DNAJB14: variants seen among roughly 807,000 people sequenced by gnomAD.
DNAJB14 encodes the protein dnaJ homolog subfamily B member 14.
DNAJB14 carries 22 observed loss-of-function variants against 48.4 expected under a neutral mutation model. The observed-to-expected ratio is 0.45, with a 90% CI of 0.32 to 0.65. The LOEUF is 0.65. Ranked by LOEUF, DNAJB14 falls within the 30% of genes least tolerant of loss-of-function variation. The probability of loss-of-function intolerance (pLI) is 0.03; values close to 1 mark genes in which losing one functional copy is unlikely to be tolerated. For missense variants in DNAJB14, 319 were observed against 458.8 expected (o/e 0.70, Z 2.78); for synonymous variants, 142 against 158.7 (o/e 0.89, Z 0.79).
In DNAJB14 at chr4:99,930,594, C is replaced by T. The variant is rs754243315; in HGVS notation, c.161G>A (p.Gly54Glu). The change falls in exon 2 of 8, where the codon GGA (glycine) becomes GAA (glutamate). Residue 54 changes from glycine (G) to glutamate (E), a missense_variant. Around this residue, in one of 3 missense-constraint regions of DNAJB14, gnomAD observed 116 missense variants for 134.6 expected, o/e 0.86. Coordinates refer to ENST00000442697, the MANE Select transcript of DNAJB14 (RefSeq NM_001031723.4). ...RALLEIIMKN[G>E]STAGNSPHCR... ...ATGAGGGCTATTTCCAGCCGTGCTTCCATTTTTCATAATTATTTCCAATAG... is the reference window on the plus strand; with the variant it reads ...ATGAGGGCTATTTCCAGCCGTGCTTTCATTTTTCATAATTATTTCCAATAG... 1 of 1,610,902 alleles carries T rather than the reference C, an allele frequency of 6.2e-7. No homozygotes were observed. Among genetic ancestry groups the T allele is most frequent in the South Asian group, 1.1e-5 (1 of 90,344 alleles).
At chr4:99,922,378 G>A (rs1355472740) in intron 3 of DNAJB14, 1 of 151,834 alleles carries the variant, frequency 6.6e-6, no homozygotes, top group Non-Finnish European at 1.5e-5. Context: ...ACAAATTTAG[G>A]CATTTAACTA....
chr4:99,945,896 T>C (rs1727049699), intron 1 of DNAJB14, among the ~76,000 whole-genome samples: 1 of 152,214 alleles, frequency 6.6e-6, no homozygotes, highest in African/African-American at 2.4e-5. Context: ...GCCGAAAGTG[T>C]GCTCTTCTCT....
At chr4:99,904,029 T>A in intron 6 of DNAJB14, 131 bp from the exon 7 acceptor site, 1 of 939,004 alleles carries the variant, frequency 1.1e-6, no homozygotes, top group Non-Finnish European at 1.6e-6. Flanking sequence ...GCATCCCTAA[T>A]CCGAAACTCT....
intron 1 of DNAJB14, among the ~76,000 whole-genome samples, chr4:99,934,398 T>C (rs1366864429): frequency 6.6e-6 from 1 of 151,844 alleles, no homozygotes; most frequent in African/African-American, 2.4e-5. Context: ...CCATAAACAC[T>C]TGCTAACAAA....
chr4:99,911,366 G>C (rs368415322), intron 3 of DNAJB14, among the ~76,000 whole-genome samples: 2 of 152,058 alleles, frequency 1.3e-5, no homozygotes, highest in African/African-American at 2.4e-5. Flanking sequence ...TCATGTACAG[G>C]ATTAGGTGTA....
intron 3 of DNAJB14, among the ~76,000 whole-genome samples, chr4:99,912,432 A>T (rs369006946): frequency 6.6e-6 from 1 of 151,546 alleles, no homozygotes; most frequent in Admixed American, 6.6e-5. Flanking sequence ...TCCTGCTAGG[A>T]TTTTGACAGG....
rs1263347323 is a variant in DNAJB14 at position 99,897,120 on chromosome 4, A to C, written c.*3908T>G. 1 of 151,638 alleles carries C rather than the reference A, an allele frequency of 6.6e-6. No homozygotes were observed. The allele number at this position is 151,638 out of a possible 1,614,324, so 9.4% of individuals were successfully genotyped here. On this transcript the variant is annotated 3_prime_UTR_variant, in exon 8 of 8. Transcript: ENST00000442697. ...CATAAAAATATCCACTGCTAATGGA[A>C]GCCCTGCTCTGTGCAAACATAGTGT... is the stretch of plus-strand genomic sequence containing the variant.
chr4:99,916,937 A>T (rs1490397946), intron 3 of DNAJB14, among the ~76,000 whole-genome samples: 2 of 152,088 alleles, frequency 1.3e-5, no homozygotes, highest in African/African-American at 2.4e-5. Context: ...GATAGAGACC[A>T]TCCTGGCCAA....
chr4:99,933,812 G>A (rs2110218533), intron 1 of DNAJB14, among the ~76,000 whole-genome samples: 1 of 152,162 alleles, frequency 6.6e-6, no homozygotes, highest in South Asian at 2.1e-4. Flanking sequence ...TATAAGGTGG[G>A]GAAAAACCAC....
At position 99,898,247 on chromosome 4, in the gene DNAJB14, T is replaced by A. The variant is rs971647999; in HGVS notation, c.*2781A>T. The stretch of plus-strand genomic sequence containing the variant: ...GAGTAGTTTAATGCATTGGCATATA[T>A]ATGCCTTAAGGACTGTACTTTTCTC... On this transcript the variant is annotated 3_prime_UTR_variant, in exon 8 of 8. Coordinates refer to ENST00000442697, the MANE Select transcript of DNAJB14 (RefSeq NM_001031723.4). The A allele has an allele frequency of 2.0e-5, 3 of 152,134 alleles. No homozygotes were observed. The highest frequency in any genetic ancestry group is 7.2e-5 in the African/African-American group (3 of 41,568). 9.4% of individuals were successfully genotyped at this position (152,134 alleles called of 1,614,324 possible).
intron 5 of DNAJB14, chr4:99,906,033 T>A (rs1361007469): frequency 5.3e-6 from 7 of 1,311,334 alleles, no homozygotes; most frequent in Non-Finnish European, 3.0e-6. Context: ...AAAACCATTT[T>A]TTACCTTGGA....
chr4:99,921,031 A>C (rs1477956198), intron 3 of DNAJB14, among the ~76,000 whole-genome samples: 2 of 152,226 alleles, frequency 1.3e-5, no homozygotes, highest in Admixed American at 1.3e-4. Context: ...TGTGTGCTAA[A>C]TGAATGAAAC....
At chr4:99,937,862 C>T (rs1726734653) in intron 1 of DNAJB14, among the ~76,000 whole-genome samples, 1 of 150,450 alleles carries the variant, frequency 6.6e-6, no homozygotes, top group Non-Finnish European at 1.5e-5. Context: ...GGGAGGATCA[C>T]TTGAGCCCAG....
intron 1 of DNAJB14, among the ~76,000 whole-genome samples, chr4:99,938,807 G>A (rs1726783608): frequency 6.6e-6 from 1 of 151,828 alleles, no homozygotes; most frequent in Non-Finnish European, 1.5e-5. Context: ...ATATAAAGGG[G>A]CTCCCACTAA....
At chr4:99,926,517 A>C (rs1221823866) in intron 2 of DNAJB14, 2 of 152,172 alleles carry the variant, frequency 1.3e-5, no homozygotes, top group Non-Finnish European at 2.9e-5. Context: ...AAAAAATAAA[A>C]GGTAAATTAA....
At chr4:99,946,091 C>A (rs534075625) in intron 1 of DNAJB14, among the ~76,000 whole-genome samples, 1 of 152,336 alleles carries the variant, frequency 6.6e-6, no homozygotes, top group Non-Finnish European at 1.5e-5. Flanking sequence ...GGGAGGGGGC[C>A]ACATAAACAA....
chr4:99,943,243 A>G (rs1051973796), intron 1 of DNAJB14, among the ~76,000 whole-genome samples: 5 of 152,166 alleles, frequency 3.3e-5, no homozygotes, highest in African/African-American at 1.2e-4. Context: ...CTGCATCTGA[A>G]CTAAGGTTTT....
intron 1 of DNAJB14, among the ~76,000 whole-genome samples, chr4:99,936,548 G>A (rs556248492): frequency 6.6e-6 from 1 of 152,296 alleles, no homozygotes; most frequent in African/African-American, 2.4e-5. Flanking sequence ...TGTAAGCTAT[G>A]AGTTCATTTA....
At position 99,899,478 on chromosome 4, in the gene DNAJB14, T is replaced by C. The variant is rs1578208883; in HGVS notation, c.*1550A>G. The C allele has an allele frequency of 6.6e-6, 1 of 152,312 alleles. No homozygotes were observed. Among genetic ancestry groups the C allele is most frequent in the East Asian group, 1.9e-4 (1 of 5,172 alleles). 9.4% of individuals were successfully genotyped at this position (152,312 alleles called of 1,614,324 possible). ...TTCCTATGACAGTATGTTGTTTAGT[T>C]TAACCTACTAATTCAATCAGGCATT... On this transcript the variant is annotated 3_prime_UTR_variant, in exon 8 of 8. Transcript: ENST00000442697.
Sources: allele counts gnomAD v4.1 joint callset (sites outside exome capture counted in the v4.1 genomes callset), GRCh38; gene constraint gnomAD v4.1.1; regional missense constraint gnomAD v4.1.1; transcripts MANE v1.5; gene names NCBI Gene and HGNC (gene_info 2026-07-23, HGNC 2026-07-21).